PCGF5: variants seen among roughly 807,000 people sequenced by gnomAD.
PCGF5 encodes the protein polycomb group RING finger protein 5.
A neutral mutation model predicts 44.3 loss-of-function variants in PCGF5; 9 were observed. That is an observed-to-expected ratio of 0.20 (90% CI 0.12 to 0.35). The LOEUF is 0.35. Ranked by LOEUF, PCGF5 falls within the 10% of genes least tolerant of loss-of-function variation. The probability of loss-of-function intolerance (pLI) is 1.00; values close to 1 mark genes in which losing one functional copy is unlikely to be tolerated. For missense variants in PCGF5, 146 were observed against 305.3 expected, an observed-to-expected ratio of 0.48 and a Z score of 3.89; for synonymous variants, 95 against 102.5, an observed-to-expected ratio of 0.93 and a Z score of 0.44.
At position 91,281,416 on chromosome 10, in the gene PCGF5, C is replaced by T. The variant is rs1589418451; in HGVS notation, c.*3100C>T. The T allele has an allele frequency of 6.6e-6, 1 of 152,476 alleles. No individual in the cohort carries two copies. Among genetic ancestry groups the T allele is most frequent in the African/African-American group, 2.4e-5 (1 of 41,424 alleles). The allele number at this position is 152,476 out of a possible 1,614,324, so 9.4% of individuals were successfully genotyped here. ...AAAGTGTGTTATATAATATTGTGAA[C>T]TGTTTAGCTTTACTGAAATATTTAA... On this transcript the variant is annotated 3_prime_UTR_variant, in exon 10 of 10. Coordinates refer to ENST00000336126, the MANE Select transcript of PCGF5 (RefSeq NM_032373.5).
chr10:91,271,526 C>A, intron 8 of PCGF5, 112 bp from the exon 9 acceptor site: 2 of 768,150 alleles, frequency 2.6e-6, no homozygotes, highest in South Asian at 2.5e-5. Flanking sequence ...TGTTTATTTA[C>A]CATTAATCAT....
chr10:91,194,599 T>C (rs11186493), intron 1 of PCGF5, among the ~76,000 whole-genome samples: 28,875 of 152,162 alleles, frequency 0.19, 3,239 homozygotes, highest in East Asian at 0.49. Context: ...AAGTTTGTCA[T>C]AATTTGTTAT....
At chr10:91,169,250 C>G (rs760337510) in intron 1 of PCGF5, among the ~76,000 whole-genome samples, 18 of 152,064 alleles carry the variant, frequency 1.2e-4, no homozygotes, top group Non-Finnish European at 2.4e-4. Context: ...TTACCCTAAT[C>G]ATGATGCAAA....
intron 3 of PCGF5, among the ~76,000 whole-genome samples, chr10:91,245,697 C>T (rs2133362902): frequency 6.6e-6 from 1 of 152,196 alleles, no homozygotes; most frequent in South Asian, 2.1e-4. Context: ...GGCAGGCAGA[C>T]AGCGAGTACA....
At position 91,280,431 on chromosome 10, in the gene PCGF5, C is replaced by G. The variant is rs1355281387; in HGVS notation, c.*2115C>G. ...GGTTGCCTTGTCATATGTAATTTCA[C>G]TATTTTCCAAGGAAATATATAGGAA... On this transcript the variant is annotated 3_prime_UTR_variant, in exon 10 of 10. Coordinates refer to ENST00000336126, the MANE Select transcript of PCGF5 (RefSeq NM_032373.5). 1 of 152,350 alleles carries G rather than the reference C, an allele frequency of 6.6e-6. No individual in the cohort carries two copies. The highest frequency in any genetic ancestry group is 1.5e-5 in the Non-Finnish European group (1 of 67,882). 9.4% of individuals were successfully genotyped at this position (152,350 alleles called of 1,614,324 possible).
intron 8 of PCGF5, among the ~76,000 whole-genome samples, chr10:91,269,531 T>C (rs1423241288): frequency 1.3e-5 from 2 of 152,186 alleles, no homozygotes; most frequent in East Asian, 1.9e-4. Flanking sequence ...GACATTTAGA[T>C]TTTTTTCAAA....
At chr10:91,189,825 C>T (rs1360479989) in intron 1 of PCGF5, among the ~76,000 whole-genome samples, 1 of 152,136 alleles carries the variant, frequency 6.6e-6, no homozygotes, top group African/African-American at 2.4e-5. Flanking sequence ...TTGAACACGT[C>T]TATATTTTCA....
chr10:91,245,484 T>C (rs1464636635), intron 3 of PCGF5, among the ~76,000 whole-genome samples: 1 of 151,426 alleles, frequency 6.6e-6, no homozygotes, highest in Non-Finnish European at 1.5e-5. Flanking sequence ...AGCAAAGAAA[T>C]GGGGTGGGGG....
At chr10:91,176,101 G>C (rs59147432) in intron 1 of PCGF5, among the ~76,000 whole-genome samples, 2 of 152,086 alleles carry the variant, frequency 1.3e-5, no homozygotes, top group African/African-American at 4.8e-5. Flanking sequence ...TGTAGGGCAG[G>C]CCTGGTGGTG....
chr10:91,225,244 T>C (rs576590362), intron 2 of PCGF5, among the ~76,000 whole-genome samples: 21 of 147,396 alleles, frequency 1.4e-4, no homozygotes, highest in Non-Finnish European at 2.5e-4. Context: ...TATGTATATA[T>C]GATATATATC....
intron 1 of PCGF5, among the ~76,000 whole-genome samples, chr10:91,177,137 A>T (rs1351854149): frequency 1.3e-5 from 2 of 152,204 alleles, no homozygotes; most frequent in Non-Finnish European, 2.9e-5. Context: ...CAGGACCCTC[A>T]GCTGCAGGTC....
At chr10:91,240,420 T>G (rs1042866251) in intron 2 of PCGF5, 64 bp from the exon 3 acceptor site, 1 of 1,043,436 alleles carries the variant, frequency 9.6e-7, no homozygotes, top group Non-Finnish European at 1.4e-6. Flanking sequence ...CTAATTACAC[T>G]TAGTTTAACA....
chr10:91,211,512 C>T (rs1308904001), intron 1 of PCGF5, among the ~76,000 whole-genome samples: 1 of 152,168 alleles, frequency 6.6e-6, no homozygotes, highest in Non-Finnish European at 1.5e-5. Context: ...CATTTACTAT[C>T]GGACCTGATC....
At chr10:91,257,627 T>G (rs1198443238) in intron 6 of PCGF5, among the ~76,000 whole-genome samples, 1 of 152,114 alleles carries the variant, frequency 6.6e-6, no homozygotes, top group Non-Finnish European at 1.5e-5. Context: ...AAGGGAGGAT[T>G]CACAACCTGG....
At position 91,240,464 on chromosome 10, in the gene PCGF5, A is replaced by G; in HGVS notation, c.113-20A>G. The G allele has an allele frequency of 6.4e-7, 1 of 1,552,184 alleles. No homozygotes were observed. Among genetic ancestry groups the G allele is most frequent in the Non-Finnish European group, 8.8e-7 (1 of 1,130,236 alleles). ...GCGTTCATATGATGCGTTTTAACCT[A>G]ACATCTTCTTTCTTCTTAGTCTGTA... On this transcript the variant is annotated intron_variant, in intron 2 of 9. Coordinates refer to ENST00000336126, the MANE Select transcript of PCGF5 (RefSeq NM_032373.5).
intron 5 of PCGF5, among the ~76,000 whole-genome samples, chr10:91,249,317 A>T (rs574155937): frequency 1.1e-3 from 164 of 149,520 alleles, no homozygotes; most frequent in African/African-American, 3.9e-3. Context: ...GTAATTTTTA[A>T]TAATAATTTC....
At chr10:91,211,838 G>A (rs905663503) in intron 1 of PCGF5, among the ~76,000 whole-genome samples, 1 of 152,114 alleles carries the variant, frequency 6.6e-6, no homozygotes, top group African/African-American at 2.4e-5. Flanking sequence ...AAAGAGTGGA[G>A]ACAAGGTTAT....
At chr10:91,220,519 C>T (rs1014096310), upstream of PCGF5, 5 of 151,952 alleles carry the variant, frequency 3.3e-5, no homozygotes, top group South Asian at 1.8e-4. Flanking sequence ...AGGCGGCAGG[C>T]GCGGCCTCCG....
At chr10:91,223,932 C>T (rs1420593112) in intron 2 of PCGF5, among the ~76,000 whole-genome samples, 1 of 151,924 alleles carries the variant, frequency 6.6e-6, no homozygotes, top group African/African-American at 2.4e-5. Context: ...CTTTAATATA[C>T]CATGGTACTT....
Sources: gnomAD v4.1 joint callset for allele counts (sites outside exome capture counted in the v4.1 genomes callset) on GRCh38, gnomAD v4.1.1 for gene constraint, MANE v1.5 for transcripts, NCBI Gene and HGNC (gene_info 2026-07-23, HGNC 2026-07-21) for gene names.